The following ACVR2A variants were observed in gnomAD, a reference collection of about 807,000 sequenced individuals.
ACVR2A encodes activin A receptor type 2A.
A neutral mutation model predicts 61.4 loss-of-function variants in ACVR2A; 7 were observed. The observed-to-expected ratio is 0.11, with a 90% CI of 0.06 to 0.21. ACVR2A has a LOEUF of 0.21. Ranked by LOEUF, ACVR2A falls within the 10% of genes least tolerant of loss-of-function variation. The pLI is 1.00. For synonymous variants in ACVR2A, 193 were observed against 208.3 expected, an observed-to-expected ratio of 0.93 and a Z score of 0.63; for missense variants, 322 against 621.7, an observed-to-expected ratio of 0.52 and a Z score of 5.13.
intron 10 of ACVR2A, 67 bp from the exon 11 acceptor site, chr2:147,927,013 T>G: frequency 6.8e-7 from 1 of 1,479,678 alleles, no homozygotes; most frequent in Non-Finnish European, 9.1e-7. Flanking sequence ...TTCATGAAAA[T>G]TTTATTGTTT....
rs1206053836 is a variant in ACVR2A, at chr2:147,930,023, T to C, written c.*2749T>C. 6.6e-6 allele frequency: 1 copy of C among 152,538 alleles called. No homozygotes were observed. The highest frequency in any genetic ancestry group is 2.4e-5 in the African/African-American group (1 of 41,436). The allele number at this position is 152,538 out of a possible 1,614,324, so 9.4% of individuals were successfully genotyped here. Reference sequence around the variant, plus strand: ...CAGCTCTTGTATGTATTTTAGATGCTAGAAGTTTTTTTAGCATGTGATGTG... The same window carrying C: ...CAGCTCTTGTATGTATTTTAGATGCCAGAAGTTTTTTTAGCATGTGATGTG... On this transcript the variant is annotated 3_prime_UTR_variant, in exon 11 of 11. Coordinates refer to ENST00000241416, the MANE Select transcript of ACVR2A (RefSeq NM_001616.5).
In ACVR2A at chr2:147,851,278, T is replaced by C. The variant is rs1197783485; in HGVS notation, c.55+6071T>C. 2.6e-5 allele frequency among the ~76,000 whole-genome samples: 4 copies of C among 152,110 alleles called. No homozygotes were observed. In the East Asian group the frequency reaches 7.7e-4, roughly 29 times the overall value. The stretch of plus-strand genomic sequence containing the variant: ...GCCTATTTTTTCTAACCTCTTGGTA[T>C]TGGTTAAGAGTATAGACTCTGGATA... On this transcript the variant is annotated intron_variant, in intron 1 of 10. Transcript: ENST00000241416.
At chr2:147,901,004 C>T (rs1197589246) in intron 4 of ACVR2A, among the ~76,000 whole-genome samples, 1 of 151,926 alleles carries the variant, frequency 6.6e-6, no homozygotes, top group African/African-American at 2.4e-5. Flanking sequence ...AGAAATAAAC[C>T]CAAAGGTAAA....
intron 1 of ACVR2A, among the ~76,000 whole-genome samples, chr2:147,855,631 T>C (rs1031310242): frequency 2.0e-5 from 3 of 152,210 alleles, no homozygotes; most frequent in Non-Finnish European, 4.4e-5. Context: ...CCTACACTTA[T>C]CAGTCTTCCT....
At chr2:147,856,515 CTT>C (rs1168549819) in intron 1 of ACVR2A, among the ~76,000 whole-genome samples, 6 of 152,054 alleles carry the variant, frequency 3.9e-5, no homozygotes. Flanking sequence ...GATGCTAGGC[CTT>C]TCTTTTACCT....
intron 1 of ACVR2A, among the ~76,000 whole-genome samples, chr2:147,865,683 T>G (rs887050247): frequency 6.6e-6 from 1 of 152,222 alleles, no homozygotes; most frequent in Non-Finnish European, 1.5e-5. Flanking sequence ...CTGATCTCCC[T>G]CCTGAGCTCC....
At chr2:147,922,865 C>G in intron 8 of ACVR2A, 108 bp from the exon 9 acceptor site, 1 of 1,156,376 alleles carries the variant, frequency 8.6e-7, no homozygotes, top group Non-Finnish European at 1.2e-6. Flanking sequence ...AGTGTGTATA[C>G]CTTACCCTGG....
Position 147,917,385 on chromosome 2 carries a change from G to A in ACVR2A, c.775G>A (p.Val259Ile), listed in dbSNP as rs1687271287. Residue 259 changes from valine to isoleucine, a missense_variant, in exon 6 of 11, where the codon GTT becomes ATT. This residue lies in a region of ACVR2A where 146 missense variants were observed against 383.8 expected (regional missense o/e 0.38). Transcript: ENST00000241416. The stretch of plus-strand genomic sequence containing the variant: ...TGGTGCAGAAAAACGAGGCACCAGT[G>A]TTGATGTGGATCTTTGGCTGATCAC... ...FIGAEKRGTS[V>I]DVDLWLITAF... 1.2e-6 allele frequency: 2 copies of A among 1,612,316 alleles called. No individual in the cohort carries two copies. The highest frequency in any genetic ancestry group is 3.3e-5 in the Admixed American group (2 of 59,868).
At chr2:147,878,633 G>T (rs1020702200) in intron 1 of ACVR2A, among the ~76,000 whole-genome samples, 2 of 152,076 alleles carry the variant, frequency 1.3e-5, no homozygotes, top group Non-Finnish European at 2.9e-5. Flanking sequence ...CCTAGGCTGG[G>T]CATGGTGGCT....
chr2:147,864,951 A>T (rs572673528), intron 1 of ACVR2A, among the ~76,000 whole-genome samples: 23 of 152,320 alleles, frequency 1.5e-4, no homozygotes, highest in African/African-American at 5.5e-4. Flanking sequence ...GAAACTAAAA[A>T]TGCAATATAA....
chr2:147,910,283 G>A (rs565817472), intron 4 of ACVR2A, among the ~76,000 whole-genome samples: 10 of 152,090 alleles, frequency 6.6e-5, no homozygotes, highest in South Asian at 2.1e-4. Context: ...CTTGCACAGT[G>A]CTAGTATAGT....
chr2:147,903,513 G>A (rs1686919332), intron 4 of ACVR2A, among the ~76,000 whole-genome samples: 1 of 151,818 alleles, frequency 6.6e-6, no homozygotes, highest in African/African-American at 2.4e-5. Flanking sequence ...TGCCAGAATA[G>A]CATTTTACAT....
chr2:147,878,855 A>G (rs764774251), intron 1 of ACVR2A, among the ~76,000 whole-genome samples: 4 of 152,004 alleles, frequency 2.6e-5, no homozygotes, highest in Non-Finnish European at 5.9e-5. Flanking sequence ...GCTGCAGTGA[A>G]CTGTTACCAT....
At chr2:147,859,679 T>C (rs1485623810) in intron 1 of ACVR2A, among the ~76,000 whole-genome samples, 2 of 152,058 alleles carry the variant, frequency 1.3e-5, no homozygotes, top group Non-Finnish European at 2.9e-5. Context: ...CCTGAGTTTT[T>C]TTGTTTGTTT....
At chr2:147,853,880 G>A (rs1685503368) in intron 1 of ACVR2A, among the ~76,000 whole-genome samples, 1 of 151,992 alleles carries the variant, frequency 6.6e-6, no homozygotes, top group African/African-American at 2.4e-5. Context: ...CAAGAGGAAG[G>A]GGCATGGACA....
chr2:147,919,716 G>A (rs549874203), intron 7 of ACVR2A, among the ~76,000 whole-genome samples: 8 of 152,186 alleles, frequency 5.3e-5, no homozygotes, highest in Non-Finnish European at 1.2e-4. Context: ...ATGGTAAAAA[G>A]TTTCTGTTAT....
In ACVR2A at chr2:147,929,362, ACTTT is replaced by A. The variant is rs1350886289; in HGVS notation, c.*2093_*2096del. ...AATTTCTACCTGTTGTGAACATTTA[ACTTT>A]CTTTTTAAAAGTTAAACAAAAATAA... On this transcript the variant is annotated 3_prime_UTR_variant, in exon 11 of 11. Transcript: ENST00000241416. 4 of 141,738 alleles carry A rather than the reference ACTTT, an allele frequency of 2.8e-5. No homozygotes were observed. Among genetic ancestry groups the A allele is most frequent in the Non-Finnish European group, 6.2e-5 (4 of 64,712 alleles). The allele number at this position is 141,738 out of a possible 1,614,324, so 8.8% of individuals were successfully genotyped here.
chr2:147,859,345 AC>A (rs1685668008), intron 1 of ACVR2A, among the ~76,000 whole-genome samples: 1 of 152,096 alleles, frequency 6.6e-6, no homozygotes, highest in Non-Finnish European at 1.5e-5. Context: ...TGGTAACAAA[AC>A]TAAAAAGAGC....
At chr2:147,911,469 T>C (rs1687109386) in intron 4 of ACVR2A, among the ~76,000 whole-genome samples, 1 of 152,130 alleles carries the variant, frequency 6.6e-6, no homozygotes, top group Non-Finnish European at 1.5e-5. Flanking sequence ...TTGTAACTGA[T>C]GTGTCATTTT....
Sources: gnomAD v4.1 joint callset for allele counts (sites outside exome capture counted in the v4.1 genomes callset) on GRCh38, gnomAD v4.1.1 for gene constraint, gnomAD v4.1.1 regional missense constraint, MANE v1.5 for transcripts, NCBI Gene and HGNC (gene_info 2026-07-23, HGNC 2026-07-21) for gene names.